Variants in RTTN observed in about 807,000 individuals in gnomAD.
The protein encoded by RTTN is rotatin.
A neutral mutation model predicts 269.2 loss-of-function variants in RTTN; 182 were observed. The observed-to-expected ratio is 0.68, with a 90% CI of 0.60 to 0.76. The LOEUF (loss-of-function observed/expected upper bound fraction) is 0.76, where lower values mean the gene tolerates loss of function less well. Ranked by LOEUF, RTTN falls within the 30% of genes least tolerant of loss-of-function variation. The pLI, the probability that RTTN is intolerant of heterozygous loss-of-function variation, is 0.00. For synonymous variants in RTTN, 1,006 were observed against 963.5 expected, an observed-to-expected ratio of 1.04 and a Z score of -0.82; for missense variants, 2,545 against 2,608.6, an observed-to-expected ratio of 0.98 and a Z score of 0.53.
rs770738448 is a variant in RTTN at position 70,205,287 on chromosome 18, G to A, written c.60C>T (p.Arg20=). Residue 20 remains arginine, a synonymous_variant, in exon 2 of 49, where the codon CGC becomes CGT. Coordinates refer to ENST00000640769, the MANE Select transcript of RTTN (RefSeq NM_173630.4). ...LGHQLAEIRE[R]ALKSILCKIE... is the part of the protein sequence containing the mutation. ...TCTTGCAGAGAATACTCTTGAGAGCGCGCTCCCTGATCTCGGCCAGCTGAT... is the reference window on the plus strand; with the variant it reads ...TCTTGCAGAGAATACTCTTGAGAGCACGCTCCCTGATCTCGGCCAGCTGAT... 1 of 1,614,206 alleles carries A rather than the reference G, an allele frequency of 6.2e-7. No individual in the cohort carries two copies. The highest frequency in any genetic ancestry group is 1.1e-5 in the South Asian group (1 of 91,090).
intron 23 of RTTN, chr18:70,131,712 A>T (rs903106732): frequency 6.6e-6 from 1 of 151,820 alleles, no homozygotes; most frequent in Non-Finnish European, 1.5e-5. Flanking sequence ...CTTAATGTAT[A>T]TGTAACTACA....
At chr18:70,048,313 T>C in intron 39 of RTTN, 125 bp from the exon 40 acceptor site, 1 of 909,960 alleles carries the variant, frequency 1.1e-6, no homozygotes, top group Non-Finnish European at 1.6e-6. Context: ...TGTGATTGTG[T>C]TGCAACTGTT....
At chr18:70,102,484 C>CT (rs2059196397) in intron 28 of RTTN, among the ~76,000 whole-genome samples, 1 of 152,128 alleles carries the variant, frequency 6.6e-6, no homozygotes, top group African/African-American at 2.4e-5. Context: ...TGAGATGAGT[C>CT]TCCTGAATAT....
chr18:70,188,799 G>A (rs1257064534), intron 9 of RTTN, among the ~76,000 whole-genome samples: 2 of 152,162 alleles, frequency 1.3e-5, no homozygotes, highest in African/African-American at 4.8e-5. Flanking sequence ...TCTCCACAGA[G>A]ACAGAATAAC....
intron 47 of RTTN, chr18:70,005,731 G>C (rs1033026411): frequency 6.5e-6 from 1 of 154,564 alleles, no homozygotes. Flanking sequence ...TCTTGTCCTT[G>C]TGTACGTGAC....
chr18:70,011,678 C>T (rs2056376034), intron 46 of RTTN, among the ~76,000 whole-genome samples: 1 of 152,324 alleles, frequency 6.6e-6, no homozygotes, highest in African/African-American at 2.4e-5. Context: ...AAAACTGGCA[C>T]AAGACAAGGA....
chr18:70,156,342 C>T (rs2060675487), intron 14 of RTTN, among the ~76,000 whole-genome samples: 1 of 152,174 alleles, frequency 6.6e-6, no homozygotes. Context: ...TCCCATAGCG[C>T]TCCCAGGCTT....
chr18:70,060,227 C>A (rs2057940267), intron 35 of RTTN, among the ~76,000 whole-genome samples, 185 bp from the exon 36 acceptor site: 2 of 152,072 alleles, frequency 1.3e-5, no homozygotes, highest in Non-Finnish European at 2.9e-5. Context: ...TCCTGACCTC[C>A]ACCTTCCACC....
In RTTN at chr18:70,048,132, T is replaced by C. The variant is rs762107198; in HGVS notation, c.5380A>G (p.Ser1794Gly). The C allele has an allele frequency of 2.5e-6, 4 of 1,614,136 alleles. No homozygotes were observed. The highest frequency in any genetic ancestry group is 3.4e-6 in the Non-Finnish European group (4 of 1,179,986). Residue 1794 changes from serine (S) to glycine (G), a missense_variant, in exon 40 of 49, where the codon AGC becomes GGC. By Grantham distance (56) the Ser-to-Gly change is moderately conservative (BLOSUM62 0). Coordinates refer to ENST00000640769, the MANE Select transcript of RTTN (RefSeq NM_173630.4). ...SATCPALYTA[S>G]LQFLSVLLTE... ...AAGAGAACAGAAAGGAATTGCAAGC[T>C]GGCAGTATACAGGGCAGGACACGTG... is the stretch of plus-strand genomic sequence containing the variant.
intron 40 of RTTN, among the ~76,000 whole-genome samples, chr18:70,032,292 C>T (rs759596621): frequency 6.6e-6 from 1 of 152,166 alleles, no homozygotes; most frequent in Non-Finnish European, 1.5e-5. Flanking sequence ...GAGTGAAGCT[C>T]CCAGGTACGG....
chr18:70,043,483 T>C (rs1398350720), intron 40 of RTTN, among the ~76,000 whole-genome samples: 1 of 151,996 alleles, frequency 6.6e-6, no homozygotes, highest in Non-Finnish European at 1.5e-5. Flanking sequence ...ATAGTAGGAA[T>C]TCAACAGATA....
chr18:70,167,685 C>G (rs1473820291), intron 12 of RTTN, among the ~76,000 whole-genome samples: 1 of 144,852 alleles, frequency 6.9e-6, no homozygotes. Context: ...GCCTGGGAGA[C>G]AGAGTGAGAT....
intron 7 of RTTN, among the ~76,000 whole-genome samples, chr18:70,195,786 C>T (rs2061790706): frequency 6.6e-6 from 1 of 152,166 alleles, no homozygotes; most frequent in South Asian, 2.1e-4. Flanking sequence ...GGTACCCAGA[C>T]GTTCTCTATT....
intron 34 of RTTN, among the ~76,000 whole-genome samples, chr18:70,069,018 G>C (rs1003984040): frequency 1.3e-5 from 2 of 152,188 alleles, no homozygotes; most frequent in Non-Finnish European, 2.9e-5. Context: ...ATAGGAGCTG[G>C]GGAAAAGGGG....
chr18:70,117,796 T>C (rs1011739169), intron 26 of RTTN, among the ~76,000 whole-genome samples: 2 of 152,002 alleles, frequency 1.3e-5, no homozygotes, highest in Admixed American at 6.6e-5. Flanking sequence ...TTTCTGACCA[T>C]AGTGATAAAA....
intron 28 of RTTN, among the ~76,000 whole-genome samples, chr18:70,095,583 G>A (rs2058979892): frequency 6.6e-6 from 1 of 152,058 alleles, no homozygotes; most frequent in African/African-American, 2.4e-5. Flanking sequence ...TGAAATTCTG[G>A]GTTGAAAATT....
At chr18:70,196,470 C>T (rs562767168) in intron 7 of RTTN, 31 bp downstream of exon 7, 1 of 1,580,178 alleles carries the variant, frequency 6.3e-7, no homozygotes, top group South Asian at 1.1e-5. Flanking sequence ...CAAATAACAC[C>T]AGTGGCTAAT....
intron 19 of RTTN, among the ~76,000 whole-genome samples, chr18:70,140,859 G>A (rs757831536): frequency 6.6e-6 from 1 of 151,920 alleles, no homozygotes; most frequent in African/African-American, 2.4e-5. Context: ...TTATATATTC[G>A]TTACAAGTAT....
intron 40 of RTTN, among the ~76,000 whole-genome samples, chr18:70,046,375 A>T (rs2057492270): frequency 6.6e-6 from 1 of 152,140 alleles, no homozygotes; most frequent in African/African-American, 2.4e-5. Flanking sequence ...AGTCACTGAA[A>T]TTCTCTGACG....
Sources: allele counts gnomAD v4.1 joint callset (sites outside exome capture counted in the v4.1 genomes callset), GRCh38; gene constraint gnomAD v4.1.1; transcripts MANE v1.5; gene names NCBI Gene and HGNC (gene_info 2026-07-23, HGNC 2026-07-21).